KAZN: variants seen among roughly 807,000 people sequenced by gnomAD.
KAZN encodes kazrin.
In KAZN, 40 loss-of-function variants were observed where a neutral mutation model predicts 87.4. The observed-to-expected ratio is 0.46, with a 90% CI of 0.36 to 0.60. The LOEUF (loss-of-function observed/expected upper bound fraction) is 0.60. Ranked by LOEUF, KAZN falls within the 20% of genes least tolerant of loss-of-function variation. The pLI is 0.00. For synonymous variants in KAZN, 466 were observed against 458.3 expected (o/e 1.02, Z -0.22); for missense variants, 898 against 1,073.9 (o/e 0.84, Z 2.29).
intron 2 of KAZN, among the ~76,000 whole-genome samples, chr1:14,230,762 T>C (rs1022398496): frequency 6.6e-6 from 1 of 152,170 alleles, no homozygotes; most frequent in Admixed American, 6.5e-5. Flanking sequence ...GGTGGCCATA[T>C]TTTTTCAGTA....
intron 1 of KAZN, among the ~76,000 whole-genome samples, chr1:14,953,425 G>A (rs928826394): frequency 1.3e-5 from 2 of 152,226 alleles, no homozygotes; most frequent in Non-Finnish European, 2.9e-5. Context: ...CAGACCATCT[G>A]TGTCCAAACC....
At chr1:14,760,946 A>C (rs1175466589) in intron 1 of KAZN, among the ~76,000 whole-genome samples, 45 of 152,236 alleles carry the variant, frequency 3.0e-4, no homozygotes, top group Admixed American at 2.9e-3. Flanking sequence ...CATAGACAAT[A>C]TGAAAACAAA....
intron 1 of KAZN, among the ~76,000 whole-genome samples, chr1:14,610,368 AC>A (rs1677720288): frequency 6.6e-6 from 1 of 151,956 alleles, no homozygotes; most frequent in Non-Finnish European, 1.5e-5. Flanking sequence ...GACTACAGGC[AC>A]CCGCCACCAT....
At chr1:14,591,428 C>A (rs1308410520) in intron 2 of KAZN, among the ~76,000 whole-genome samples, 1 of 151,682 alleles carries the variant, frequency 6.6e-6, no homozygotes, top group South Asian at 2.1e-4. Context: ...AACACACACA[C>A]ACACACACAC....
chr1:14,936,839 G>T (rs1660514366), intron 1 of KAZN, among the ~76,000 whole-genome samples: 2 of 152,184 alleles, frequency 1.3e-5, no homozygotes, highest in Non-Finnish European at 2.9e-5. Context: ...CACATGGCGG[G>T]CATCCAGCAC....
At chr1:15,052,025 A>G (rs1425042723) in intron 4 of KAZN, among the ~76,000 whole-genome samples, 1 of 152,196 alleles carries the variant, frequency 6.6e-6, no homozygotes, top group Admixed American at 6.5e-5. Context: ...AGAGAGGAGA[A>G]GAGAAGAGTC....
In KAZN at chr1:14,148,330, T is replaced by A. The variant is rs1347556837; in HGVS notation, c.92-32105T>A. Among the ~76,000 whole-genome samples the A allele has an allele frequency of 4.6e-5, 7 of 152,352 alleles. No individual in the cohort carries two copies. In the East Asian group the frequency reaches 1.3e-3, roughly 29 times the overall value. On this transcript the variant is annotated intron_variant, in intron 1 of 16. Coordinates refer to the KAZN transcript ENST00000636203. The stretch of plus-strand genomic sequence containing the variant: ...TTCTTTCTCTGTGACTTTTGGCATA[T>A]TTTCTCTGTTGCTTGTTTTCACCTT...
At chr1:14,238,086 T>C (rs1648591946) in intron 2 of KAZN, among the ~76,000 whole-genome samples, 2 of 152,240 alleles carry the variant, frequency 1.3e-5, no homozygotes, top group African/African-American at 2.4e-5. Context: ...ATTCAGCCAT[T>C]TGAAGTGTAC....
rs143461327 is a variant in KAZN, at chr1:14,777,065, A to G, written c.226+177842A>G. On this transcript the variant is annotated intron_variant, in intron 1 of 14. Coordinates refer to ENST00000376030, the MANE Select transcript of KAZN (RefSeq NM_201628.3). The stretch of plus-strand genomic sequence containing the variant: ...ACCCAGGCTGGAGTGCAGCAGCGCA[A>G]TCTCGGCTCACTGCAAGTGCTGCCT... Among the ~76,000 whole-genome samples the G allele has an allele frequency of 1.7e-3, 260 of 152,252 alleles. 1 individual carries two copies. The highest frequency in any genetic ancestry group is 4.3e-3 in the African/African-American group (180 of 41,544).
At chr1:14,608,119 C>T (rs1255528587) in intron 1 of KAZN, among the ~76,000 whole-genome samples, 1 of 152,340 alleles carries the variant, frequency 6.6e-6, no homozygotes, top group Non-Finnish European at 1.5e-5. Flanking sequence ...GAAATCTGCT[C>T]GCTTCGTTAA....
In KAZN at chr1:14,365,368, TGGGG is replaced by T. The variant is rs796259489; in HGVS notation, c.249+184787_249+184790del. On this transcript the variant is annotated intron_variant, in intron 2 of 16. Transcript: ENST00000636203. ...CGGCGCCCACCCCCTCCCCCCGGGGTGGGGGGGGGGGGGGTCTTTCAAGGTCACC... is the reference window on the plus strand; with the variant it reads ...CGGCGCCCACCCCCTCCCCCCGGGGTGGGGGGGGGGTCTTTCAAGGTCACC... Among the ~76,000 whole-genome samples the T allele has an allele frequency of 2.7e-3, 225 of 83,142 alleles. 3 individuals are homozygous for T. The highest frequency in any genetic ancestry group is 7.8e-3 in the African/African-American group (221 of 28,198). 54.5% of individuals were successfully genotyped at this position (83,142 alleles called of 152,430 possible).
chr1:14,571,625 G>A (rs995026612), intron 2 of KAZN, among the ~76,000 whole-genome samples: 1 of 152,056 alleles, frequency 6.6e-6, no homozygotes. Flanking sequence ...AGCAGGGAGC[G>A]CCCCCACTCC....
rs1239051318 is a variant in KAZN, at chr1:14,426,752, C to T, written c.250-172231C>T. 2.0e-5 allele frequency among the ~76,000 whole-genome samples: 3 copies of T among 152,262 alleles called. No individual in the cohort carries two copies. In the South Asian group the frequency reaches 6.2e-4, roughly 32 times the overall value. ...CCCTCCCGCTCCATCCAGTGCCTCC[C>T]AAGCTGAGAAGGTCAGAGCTAGGTC... On this transcript the variant is annotated intron_variant, in intron 2 of 16. Coordinates refer to the KAZN transcript ENST00000636203.
At chr1:14,266,372 T>C (rs1218117967) in intron 2 of KAZN, among the ~76,000 whole-genome samples, 1 of 152,178 alleles carries the variant, frequency 6.6e-6, no homozygotes, top group Non-Finnish European at 1.5e-5. Flanking sequence ...CATCTGCAGA[T>C]CAACAATATG....
chr1:14,160,772 C>T (rs7532473), intron 1 of KAZN, among the ~76,000 whole-genome samples: 22,144 of 152,152 alleles, frequency 0.15, 1,823 homozygotes, highest in East Asian at 0.33. Flanking sequence ...TCTCTATTCT[C>T]ATGTAGGATG....
intron 2 of KAZN, among the ~76,000 whole-genome samples, chr1:14,572,647 G>T (rs1360005295): frequency 6.6e-6 from 1 of 152,164 alleles, no homozygotes; most frequent in African/African-American, 2.4e-5. Flanking sequence ...GTCGCATTGA[G>T]CCTATTCCTG....
chr1:14,407,628 C>G (rs1489584902), intron 2 of KAZN, among the ~76,000 whole-genome samples: 4 of 152,150 alleles, frequency 2.6e-5, no homozygotes, highest in African/African-American at 9.7e-5. Context: ...GTTTCCTGAT[C>G]TCTCTACACT....
intron 1 of KAZN, among the ~76,000 whole-genome samples, chr1:14,791,865 G>A (rs552744693): frequency 5.9e-5 from 9 of 152,322 alleles, no homozygotes; most frequent in East Asian, 1.9e-4. Flanking sequence ...CCATGGCAGC[G>A]GCTGCGGGAT....
chr1:13,926,533 G>A (rs1293900917), intron 1 of KAZN, among the ~76,000 whole-genome samples: 2 of 152,002 alleles, frequency 1.3e-5, no homozygotes, highest in African/African-American at 4.8e-5. Flanking sequence ...ACAAAGGCAT[G>A]TACACGTGTA....
Sources: allele counts gnomAD v4.1 joint callset (sites outside exome capture counted in the v4.1 genomes callset), GRCh38; gene constraint gnomAD v4.1.1; transcripts MANE v1.5; gene names NCBI Gene and HGNC (gene_info 2026-07-23, HGNC 2026-07-21).